The following EVC variants were observed in gnomAD, a reference collection of about 807,000 sequenced individuals.
EVC encodes the protein EvC ciliary complex subunit 1, also known as evC complex member EVC.
EVC carries 116 observed loss-of-function variants against 118.9 expected under a neutral mutation model. The ratio of observed to expected loss-of-function variants is 0.98; its 90% CI spans 0.84 to 1.14. EVC has a LOEUF of 1.14. EVC is among the 50% of genes most tolerant of loss of function. EVC has a pLI of 0.00. For missense variants in EVC, 1,401 were observed against 1,246.4 expected (o/e 1.12, Z -1.87); for synonymous variants, 619 against 534.7 (o/e 1.16, Z -2.18).
the EVC span, among the ~76,000 whole-genome samples, chr4:5,819,533 A>C: frequency 6.6e-6 from 1 of 152,278 alleles, no homozygotes; most frequent in East Asian, 1.9e-4. Flanking sequence ...CATGGGCTCT[A>C]GATTATGCTG....
In EVC at chr4:5,738,778, G is replaced by A. The variant is rs895514175; in HGVS notation, c.703-2938G>A. Among the ~76,000 whole-genome samples, 2 of 151,974 alleles carry A rather than the reference G, an allele frequency of 1.3e-5. No homozygotes were observed. Among genetic ancestry groups the A allele is most frequent in the Admixed American group, 1.3e-4 (2 of 15,266 alleles). ...GACGGGGTTTCACCATGTTGGCCAG[G>A]ATGGGTCTCAATCTCTTGACCTTGT... On this transcript the variant is annotated intron_variant, in intron 5 of 20. Coordinates refer to ENST00000264956, the MANE Select transcript of EVC (RefSeq NM_153717.3). This position sits in a 1 kb window ranked among gnomAD's most constrained non-coding sequence, Gnocchi z 6.5.
intron 16 of EVC, 125 bp from the exon 17 acceptor site, chr4:5,804,605 G>A: frequency 1.3e-6 from 1 of 781,250 alleles, no homozygotes; most frequent in Non-Finnish European, 2.3e-6. Flanking sequence ...CCCTGTGCTG[G>A]TGGAAGGATA....
At chr4:5,753,693 C>A (rs1292509225) in intron 9 of EVC, 92 bp from the exon 10 acceptor site, 1 of 1,560,788 alleles carries the variant, frequency 6.4e-7, no homozygotes, top group African/African-American at 1.4e-5. Context: ...CACCAGCTTC[C>A]CCAACCTCCA....
chr4:5,759,094 T>C (rs1376333031), intron 11 of EVC, among the ~76,000 whole-genome samples: 2 of 151,576 alleles, frequency 1.3e-5, no homozygotes, highest in Non-Finnish European at 2.9e-5. Context: ...GTCCTCTGAG[T>C]GCCCAGGCAC....
rs552687521 is a variant in EVC, at chr4:5,769,102, C to T, written c.1563+12740C>T. ...CTCACACTTGTAATAAAGATATACC[C>T]GAGACTGAGTAATTTATAAAGGAAA... On this transcript the variant is annotated intron_variant, in intron 11 of 20. Transcript: ENST00000264956. Among the ~76,000 whole-genome samples the T allele has an allele frequency of 1.2e-4, 18 of 152,218 alleles. No homozygotes were observed. The East Asian group carries it at 2.1e-3, about 18-fold the overall frequency.
At chr4:5,722,097 T>G (rs972615580) in intron 2 of EVC, among the ~76,000 whole-genome samples, 3 of 152,086 alleles carry the variant, frequency 2.0e-5, no homozygotes, top group African/African-American at 7.2e-5. Flanking sequence ...GTTTGCTGTG[T>G]GATGTTGGGC....
chr4:5,825,970 A>ATG, the EVC span: 2 of 408,830 alleles, frequency 4.9e-6, no homozygotes, highest in Non-Finnish European at 8.8e-6. This position sits in a 1 kb window ranked among gnomAD's most constrained non-coding sequence, Gnocchi z 4.4. Flanking sequence ...ACATGCAGTA[A>ATG]CAAAACAGGC....
intron 5 of EVC, among the ~76,000 whole-genome samples, chr4:5,735,420 C>G (rs1393267046): frequency 6.6e-6 from 1 of 152,180 alleles, no homozygotes; most frequent in Non-Finnish European, 1.5e-5. Flanking sequence ...TGCTTCACCT[C>G]TCTGGGCCAC....
the EVC span, chr4:5,824,427 C>T: frequency 3.0e-6 from 3 of 985,278 alleles, no homozygotes; most frequent in African/African-American, 1.7e-5. Flanking sequence ...CTGAATCAGA[C>T]ACTTCCTGAA....
the EVC span, chr4:5,828,684 C>G: frequency 6.2e-7 from 1 of 1,611,692 alleles, no homozygotes; most frequent in Admixed American, 1.7e-5. Flanking sequence ...CCAACAGCCT[C>G]AGTGTTACTT....
In EVC at chr4:5,798,939, T is replaced by A; in HGVS notation, c.2304+147T>A. The A allele has an allele frequency of 6.7e-6, 6 of 901,216 alleles. No individual in the cohort carries two copies. The highest frequency in any genetic ancestry group is 1.1e-5 in the Non-Finnish European group (6 of 556,530). The allele number at this position is 901,216 out of a possible 1,614,324, so 55.8% of individuals were successfully genotyped here. On this transcript the variant is annotated intron_variant, in intron 15 of 20. Transcript: ENST00000264956. The surrounding 1 kb of genome is among the most constrained non-coding windows in gnomAD (Gnocchi z 4.1). ...ACTTCTCCATGACTTGATTTTCTCATCTGTAAGGTGGGATCTTCTCCCTCG... is the reference window on the plus strand; with the variant it reads ...ACTTCTCCATGACTTGATTTTCTCAACTGTAAGGTGGGATCTTCTCCCTCG...
At chr4:5,808,817 G>A (rs1716431158) in intron 18 of EVC, among the ~76,000 whole-genome samples, 1 of 152,216 alleles carries the variant, frequency 6.6e-6, no homozygotes. Flanking sequence ...GATGTAAGGT[G>A]AGAGTATAAA....
At position 5,754,020 on chromosome 4, in the gene EVC, C is replaced by G; in HGVS notation, c.1464+87C>G. 6.4e-7 allele frequency: 1 copy of G among 1,556,862 alleles called. No homozygotes were observed. Among genetic ancestry groups the G allele is most frequent in the South Asian group, 1.1e-5 (1 of 89,020 alleles). ...CTGAGCACGGGACGCCGGAGGTATT[C>G]ATCAGGCATGAGGTTATCTGCCTAC... On this transcript the variant is annotated intron_variant, in intron 10 of 20. Transcript: ENST00000264956. This position sits in a 1 kb window ranked among gnomAD's most constrained non-coding sequence, Gnocchi z 5.8.
At chr4:5,825,490 C>G in the EVC span, 2 of 1,567,760 alleles carry the variant, frequency 1.3e-6, no homozygotes, top group Non-Finnish European at 1.7e-6. The surrounding 1 kb of genome is among the most constrained non-coding windows in gnomAD (Gnocchi z 4.4). Flanking sequence ...CCACTCTTTC[C>G]TACCTGATAA....
intron 11 of EVC, among the ~76,000 whole-genome samples, chr4:5,771,017 A>G (rs1447687521): frequency 1.3e-5 from 2 of 152,008 alleles, no homozygotes; most frequent in Non-Finnish European, 2.9e-5. Flanking sequence ...ATTTCAAAAA[A>G]AAAAAGAAAA....
chr4:5,825,464 TG>T, the EVC span: 1 of 1,540,080 alleles, frequency 6.5e-7, no homozygotes, highest in Non-Finnish European at 8.7e-7. The surrounding 1 kb of genome is among the most constrained non-coding windows in gnomAD (Gnocchi z 4.4). Context: ...GCTGCAATTG[TG>T]GGGAGCCTGG....
At position 5,755,386 on chromosome 4, in the gene EVC, C is replaced by G. The variant is rs1316365; in HGVS notation, c.1465-878C>G. Among the ~76,000 whole-genome samples, 1 of 152,036 alleles carries G rather than the reference C, an allele frequency of 6.6e-6. No individual in the cohort carries two copies. Among genetic ancestry groups the G allele is most frequent in the Non-Finnish European group, 1.5e-5 (1 of 68,018 alleles). On this transcript the variant is annotated intron_variant, in intron 10 of 20. Transcript: ENST00000264956. This position sits in a 1 kb window ranked among gnomAD's most constrained non-coding sequence, Gnocchi z 4.1. Reference sequence around the variant, plus strand: ...GAAGGGTGAATGAGCGCATGCGTGCCTGAATGAACCAGGACATGGACAAAT... The same window carrying G: ...GAAGGGTGAATGAGCGCATGCGTGCGTGAATGAACCAGGACATGGACAAAT...
Position 5,796,123 on chromosome 4 carries a change from T to C in EVC, c.1887-899T>C, listed in dbSNP as rs371276340. On this transcript the variant is annotated intron_variant, in intron 13 of 20. Transcript: ENST00000264956. ...TCTCCTGAGTTGTTCATGTCAGTTATTGTGTTTTCAGTTCTAGGATGTCCA... is the reference window on the plus strand; with the variant it reads ...TCTCCTGAGTTGTTCATGTCAGTTACTGTGTTTTCAGTTCTAGGATGTCCA... Among the ~76,000 whole-genome samples, 16 of 152,358 alleles carry C rather than the reference T, an allele frequency of 1.1e-4. No homozygotes were observed. In the East Asian group the frequency reaches 1.5e-3, roughly 15 times the overall value.
At chr4:5,816,174 G>A (rs1717644671), downstream of EVC, among the ~76,000 whole-genome samples, 1 of 152,114 alleles carries the variant, frequency 6.6e-6, no homozygotes, top group Non-Finnish European at 1.5e-5. Flanking sequence ...GATGGACTTG[G>A]TCCACTTCCT....
Sources: gnomAD v4.1 joint callset for allele counts (sites outside exome capture counted in the v4.1 genomes callset) on GRCh38, gnomAD v4.1.1 for gene constraint, Gnocchi (gnomAD v3.1) non-coding constraint, MANE v1.5 for transcripts, NCBI Gene and HGNC (gene_info 2026-07-23, HGNC 2026-07-21) for gene names.